The following WDR27 variants were observed in gnomAD, a reference collection of about 807,000 sequenced individuals.
WDR27 encodes the protein WD repeat domain 27, also known as WD repeat-containing protein 27.
WDR27 carries 100 observed loss-of-function variants against 114.4 expected under a neutral mutation model. The ratio of observed to expected loss-of-function variants is 0.87; its 90% CI spans 0.74 to 1.03. The LOEUF (loss-of-function observed/expected upper bound fraction) is 1.03, where lower values mean the gene tolerates loss of function less well. Among genes scored for constraint, WDR27 ranks in the 50% least tolerant of loss-of-function variants. WDR27 has a pLI of 0.00. For synonymous variants in WDR27, 449 were observed against 423.1 expected (o/e 1.06, Z -0.75); for missense variants, 1,129 against 1,092.9 (o/e 1.03, Z -0.47).
intron 21 of WDR27, among the ~76,000 whole-genome samples, chr6:169,627,967 A>G (rs1167360594): frequency 6.6e-6 from 1 of 152,130 alleles, no homozygotes; most frequent in Non-Finnish European, 1.5e-5. Flanking sequence ...GTGACACTCA[A>G]AAAATTCCAC....
chr6:169,662,215 C>T, intron 9 of WDR27, 89 bp downstream of exon 9: 1 of 1,482,888 alleles, frequency 6.7e-7, no homozygotes, highest in Non-Finnish European at 9.2e-7. Context: ...GGTTTTATCT[C>T]AGTCATTCTT....
chr6:169,614,063 T>G (rs2128187496), intron 21 of WDR27, among the ~76,000 whole-genome samples: 1 of 152,262 alleles, frequency 6.6e-6, no homozygotes, highest in African/African-American at 2.4e-5. Context: ...AACCCCTAAA[T>G]GACACTCAGC....
chr6:169,580,655 T>TA (rs1803209804), intron 24 of WDR27, among the ~76,000 whole-genome samples: 1 of 152,166 alleles, frequency 6.6e-6, no homozygotes, highest in Non-Finnish European at 1.5e-5. Context: ...CTTCAATAAT[T>TA]ACCAACATTG....
chr6:169,592,329 C>A (rs530342575), intron 23 of WDR27, among the ~76,000 whole-genome samples: 2 of 152,176 alleles, frequency 1.3e-5, no homozygotes, highest in East Asian at 3.9e-4. Context: ...TCTTCCTATC[C>A]AAGAACAAGT....
intron 13 of WDR27, among the ~76,000 whole-genome samples, chr6:169,657,203 C>T (rs1824459768): frequency 6.6e-6 from 1 of 152,242 alleles, no homozygotes; most frequent in African/African-American, 2.4e-5. Flanking sequence ...CACCTGAAAG[C>T]TCTCCCCGAT....
At chr6:169,669,465 T>G (rs1001888523) in intron 4 of WDR27, 50 of 152,356 alleles carry the variant, frequency 3.3e-4, no homozygotes, top group African/African-American at 1.2e-3. Flanking sequence ...TCTCTCCATC[T>G]GGGACCCAGT....
chr6:169,499,280 C>T (rs879455318), intron 25 of WDR27, among the ~76,000 whole-genome samples: 2 of 152,340 alleles, frequency 1.3e-5, no homozygotes, highest in African/African-American at 4.8e-5. Flanking sequence ...AGGCTACACA[C>T]GCGGAGCTGC....
chr6:169,621,737 C>T (rs1813385739), intron 21 of WDR27, among the ~76,000 whole-genome samples: 1 of 150,880 alleles, frequency 6.6e-6, no homozygotes, highest in African/African-American at 2.4e-5. Context: ...CACACATATA[C>T]ATACACACAC....
chr6:169,548,048 C>T (rs1797673424), intron 25 of WDR27, among the ~76,000 whole-genome samples: 1 of 151,902 alleles, frequency 6.6e-6, no homozygotes, highest in African/African-American at 2.4e-5. Context: ...CAACAATGAA[C>T]AAGTGGAATT....
chr6:169,434,575 C>G, the WDR27 span, among the ~76,000 whole-genome samples: 2 of 151,232 alleles, frequency 1.3e-5, no homozygotes. Context: ...CTTTTTTTTT[C>G]TGACTCTTGC....
At position 169,528,579 on chromosome 6, in the gene WDR27, T is replaced by G. The variant is rs1187542399; in HGVS notation, c.2645+43840A>C. 2.6e-5 allele frequency among the ~76,000 whole-genome samples: 4 copies of G among 152,334 alleles called. No individual in the cohort carries two copies. The East Asian group carries it at 7.7e-4, about 29-fold the overall frequency. On this transcript the variant is annotated intron_variant, in intron 25 of 25. Transcript: ENST00000448612. ...TTTTGCTCTGTCACCCAGGCTGGAGTGCAGTGGCACAATCTTGGCTCACTG... is the reference window on the plus strand; with the variant it reads ...TTTTGCTCTGTCACCCAGGCTGGAGGGCAGTGGCACAATCTTGGCTCACTG...
At chr6:169,568,930 G>T (rs1168947642) in intron 25 of WDR27, among the ~76,000 whole-genome samples, 5 of 152,168 alleles carry the variant, frequency 3.3e-5, no homozygotes, top group African/African-American at 9.7e-5. Context: ...CAATCGTAGG[G>T]CTGTGGTGCC....
At chr6:169,609,158 G>A (rs1809947922) in intron 22 of WDR27, among the ~76,000 whole-genome samples, 1 of 151,850 alleles carries the variant, frequency 6.6e-6, no homozygotes, top group Admixed American at 6.5e-5. Flanking sequence ...TTCACAGCCT[G>A]GTGTTGAGTG....
At chr6:169,541,984 A>G (rs1173769679) in intron 25 of WDR27, among the ~76,000 whole-genome samples, 1 of 152,188 alleles carries the variant, frequency 6.6e-6, no homozygotes, top group East Asian at 1.9e-4. Context: ...GTTGTTACAT[A>G]GGTCCACTGC....
At chr6:169,649,382 C>T (rs374303637) in intron 14 of WDR27, 107 bp from the exon 15 acceptor site, 11 of 971,896 alleles carry the variant, frequency 1.1e-5, no homozygotes, top group African/African-American at 4.9e-5. Flanking sequence ...ATATAGACGT[C>T]TGCATAAATG....
intron 25 of WDR27, among the ~76,000 whole-genome samples, chr6:169,565,848 C>T (rs745504195): frequency 7.2e-5 from 11 of 152,166 alleles, no homozygotes; most frequent in Non-Finnish European, 1.2e-4. Flanking sequence ...TCAGGTCTCA[C>T]GATGTTGCCC....
chr6:169,688,530 G>T (rs753743364), intron 2 of WDR27, among the ~76,000 whole-genome samples: 1 of 151,846 alleles, frequency 6.6e-6, no homozygotes, highest in Non-Finnish European at 1.5e-5. Context: ...CTAAACATTC[G>T]AATGTAGGAG....
rs117853188 is a variant in WDR27, at chr6:169,670,715, G to A, written c.332-22C>T. 13,775 of 1,612,810 alleles carry A rather than the reference G, an allele frequency of 8.5e-3. 89 individuals are homozygous for A. Among genetic ancestry groups the A allele is most frequent in the Middle Eastern group, 0.012 (73 of 6,058 alleles). ...AGCCCTAGAGTGAGTTTCACCATTA[G>A]TGCCAGTTTACCAAATGCATTCAGC... On this transcript the variant is annotated intron_variant, in intron 3 of 25. Transcript: ENST00000448612.
At chr6:169,563,873 T>A (rs1169531991) in intron 25 of WDR27, among the ~76,000 whole-genome samples, 1 of 152,118 alleles carries the variant, frequency 6.6e-6, no homozygotes, top group Non-Finnish European at 1.5e-5. Context: ...AAACATCACA[T>A]CCGTGACATG....
Sources: gnomAD v4.1 joint callset for allele counts (sites outside exome capture counted in the v4.1 genomes callset) on GRCh38, gnomAD v4.1.1 for gene constraint, MANE v1.5 for transcripts, NCBI Gene and HGNC (gene_info 2026-07-23, HGNC 2026-07-21) for gene names.